Variants in PTPN13 observed in about 807,000 individuals in gnomAD.
PTPN13 encodes protein tyrosine phosphatase non-receptor type 13.
Under a neutral mutation model 284.0 loss-of-function variants are expected in PTPN13, and 191 were observed. The ratio of observed to expected loss-of-function variants is 0.67; its 90% CI spans 0.60 to 0.76. The LOEUF (loss-of-function observed/expected upper bound fraction) is 0.76. Ranked by LOEUF, PTPN13 falls within the 30% of genes least tolerant of loss-of-function variation. The probability of loss-of-function intolerance (pLI) is 0.00; values close to 1 mark genes in which losing one functional copy is unlikely to be tolerated. For missense variants in PTPN13, 2,797 were observed against 2,939.9 expected (o/e 0.95, Z 1.12); for synonymous variants, 986 against 1,022.3 (o/e 0.96, Z 0.68).
intron 2 of PTPN13, among the ~76,000 whole-genome samples, chr4:86,663,548 G>T (rs1277205588): frequency 6.6e-6 from 1 of 152,160 alleles, no homozygotes; most frequent in African/African-American, 2.4e-5. Context: ...GGTGGGAGAA[G>T]GTCAGAGAGT....
chr4:86,734,836 C>A lies in PTPN13; in HGVS notation c.2112C>A (p.Ser704=). The change falls in exon 14 of 48, where the codon TCC becomes TCA. Residue 704 remains serine, a synonymous_variant. Transcript: ENST00000411767. The part of the protein sequence containing the change: ...CDDETSLLLA[S]LALQAEYGDY... ...ATGAGACTTCCTTATTGCTGGCATC[C>A]TTGGCTCTCCAGGCTGAGTATGGAG... is the stretch of plus-strand genomic sequence containing the variant. 6.2e-7 allele frequency: 1 copy of A among 1,613,334 alleles called. No individual in the cohort carries two copies. Among genetic ancestry groups the A allele is most frequent in the South Asian group, 1.1e-5 (1 of 90,986 alleles).
rs745862545 is a variant in PTPN13, at chr4:86,799,091, G to A, written c.6402-10G>A. On this transcript the variant is annotated splice_polypyrimidine_tract_variant and intron_variant, in intron 41 of 47. Transcript: ENST00000411767. ...GAAGAAAATGTTTCAAATATGTTTT[G>A]TTTTCATAGCTTAATTCAGAAGCCA... The A allele has an allele frequency of 1.6e-5, 24 of 1,504,782 alleles. No individual in the cohort carries two copies. The highest frequency in any genetic ancestry group is 2.8e-5 in the African/African-American group (2 of 70,836). 93.2% of individuals were successfully genotyped at this position (1,504,782 alleles called of 1,614,324 possible). A position where few individuals can be genotyped will look rare whatever the true frequency, so the allele number is the denominator to read the frequency against.
At chr4:86,629,601 A>G (rs1037744915) in intron 1 of PTPN13, among the ~76,000 whole-genome samples, 4 of 152,154 alleles carry the variant, frequency 2.6e-5, no homozygotes, top group Non-Finnish European at 5.9e-5. Flanking sequence ...AATCTGGGTC[A>G]TGCATTTGTT....
chr4:86,807,509 G>T (rs1744779646), intron 44 of PTPN13, 51 bp from the exon 45 acceptor site: 1 of 1,395,306 alleles, frequency 7.2e-7, no homozygotes, highest in Non-Finnish European at 9.8e-7. Context: ...TAAGACTCTT[G>T]TTTAAAATGC....
At chr4:86,599,639 C>T (rs758699185) in intron 1 of PTPN13, among the ~76,000 whole-genome samples, 1 of 152,044 alleles carries the variant, frequency 6.6e-6, no homozygotes, top group South Asian at 2.1e-4. Context: ...GTGTATGTTT[C>T]TTATCATCTG....
chr4:86,732,502 T>G, intron 11 of PTPN13, 28 bp downstream of exon 11: 1 of 1,592,850 alleles, frequency 6.3e-7, no homozygotes, highest in Non-Finnish European at 8.6e-7. Flanking sequence ...TTTGTGTCAC[T>G]CTTAGAAAAT....
intron 7 of PTPN13, among the ~76,000 whole-genome samples, chr4:86,709,976 G>A (rs1327100232): frequency 6.6e-6 from 1 of 152,100 alleles, no homozygotes; most frequent in East Asian, 1.9e-4. Flanking sequence ...TATTCATTAT[G>A]TCTAGCTCTC....
intron 40 of PTPN13, among the ~76,000 whole-genome samples, chr4:86,787,043 G>A (rs1195583093): frequency 6.6e-6 from 1 of 151,680 alleles, no homozygotes; most frequent in African/African-American, 2.4e-5. Flanking sequence ...GACAGAGGTT[G>A]CATTGAGCGG....
chr4:86,630,152 C>G (rs1722312724), intron 1 of PTPN13, among the ~76,000 whole-genome samples: 1 of 152,042 alleles, frequency 6.6e-6, no homozygotes, highest in Non-Finnish European at 1.5e-5. Context: ...AGTGTATAAT[C>G]TCATTTTCAA....
At chr4:86,744,874 A>G in intron 16 of PTPN13, 92 bp from the exon 17 acceptor site, 8 of 940,120 alleles carry the variant, frequency 8.5e-6, no homozygotes, top group Non-Finnish European at 1.3e-5. Flanking sequence ...TTATATTCAT[A>G]TTAGATGTAA....
chr4:86,727,217 G>C (rs1734376213), intron 10 of PTPN13, among the ~76,000 whole-genome samples: 1 of 149,610 alleles, frequency 6.7e-6, no homozygotes, highest in South Asian at 2.1e-4. Flanking sequence ...TGGTTTGCTA[G>C]TATTTTATTG....
intron 28 of PTPN13, 89 bp from the exon 29 acceptor site, chr4:86,769,680 A>G: frequency 1.2e-6 from 1 of 860,606 alleles, no homozygotes; most frequent in Non-Finnish European, 1.8e-6. Flanking sequence ...GGCTTTTAAA[A>G]TGTGTCTAGA....
At chr4:86,716,972 A>G (rs1337749814) in intron 8 of PTPN13, 52 bp from the exon 9 acceptor site, 1 of 1,251,394 alleles carries the variant, frequency 8.0e-7, no homozygotes, top group Non-Finnish European at 1.2e-6. Context: ...AAATGAAATT[A>G]CTCTCATGTT....
intron 21 of PTPN13, 112 bp downstream of exon 21, chr4:86,758,461 G>A (rs962519181): frequency 1.1e-4 from 113 of 998,490 alleles, no homozygotes; most frequent in Non-Finnish European, 2.5e-5. Context: ...TCAAGATACT[G>A]ACTGGCTGCC....
In PTPN13 at chr4:86,739,675, A is replaced by G. The variant is rs543142962; in HGVS notation, c.2305-1959A>G. Among the ~76,000 whole-genome samples, 4 of 152,284 alleles carry G rather than the reference A, an allele frequency of 2.6e-5. No homozygotes were observed. In the East Asian group the frequency reaches 5.8e-4, roughly 22 times the overall value. On this transcript the variant is annotated intron_variant, in intron 15 of 47. Coordinates refer to ENST00000411767, the MANE Select transcript of PTPN13 (RefSeq NM_080683.3). Reference sequence around the variant, plus strand: ...TTTCAAAACCAATCATGCCTTCCCAACAGTTCTCCAAAGTCTTAATTCATT... The same window carrying G: ...TTTCAAAACCAATCATGCCTTCCCAGCAGTTCTCCAAAGTCTTAATTCATT...
chr4:86,740,912 C>CAA (rs144628774), intron 15 of PTPN13, among the ~76,000 whole-genome samples: 17 of 144,368 alleles, frequency 1.2e-4, no homozygotes, highest in Admixed American at 2.8e-4. Flanking sequence ...AATCTCTTTG[C>CAA]AAAAAAAAAA....
At chr4:86,654,632 A>G (rs1725516058) in intron 2 of PTPN13, among the ~76,000 whole-genome samples, 1 of 152,176 alleles carries the variant, frequency 6.6e-6, no homozygotes, top group Admixed American at 6.5e-5. Context: ...CTGTTCTTTT[A>G]CATTTGCTGA....
At chr4:86,626,336 G>A (rs1336527128) in intron 1 of PTPN13, among the ~76,000 whole-genome samples, 1 of 152,090 alleles carries the variant, frequency 6.6e-6, no homozygotes, top group Non-Finnish European at 1.5e-5. Context: ...AAGCATAATG[G>A]AAAAGTTGAC....
chr4:86,657,033 G>T lies in PTPN13; in HGVS notation c.116-15332G>T, dbSNP rs1195608352. ...GTGGGAGCCTCCAAGCCAGGAGCAG[G>T]ATATTATCTCTTGGTGTGCCGTTTG... On this transcript the variant is annotated intron_variant, in intron 2 of 47. Transcript: ENST00000411767. 2.0e-5 allele frequency among the ~76,000 whole-genome samples: 3 copies of T among 152,238 alleles called. No homozygotes were observed. The South Asian group carries it at 6.2e-4, about 31-fold the overall frequency.
Sources: gnomAD v4.1 joint callset for allele counts (sites outside exome capture counted in the v4.1 genomes callset) on GRCh38, gnomAD v4.1.1 for gene constraint, MANE v1.5 for transcripts, NCBI Gene and HGNC (gene_info 2026-07-23, HGNC 2026-07-21) for gene names.